The following CHN2 variants were observed in gnomAD, a reference collection of about 807,000 sequenced individuals.
CHN2 encodes the protein chimerin 2, also known as beta-chimaerin.
Under a neutral mutation model 56.3 loss-of-function variants are expected in CHN2, and 35 were observed. The observed-to-expected ratio is 0.62, with a 90% CI of 0.47 to 0.82. The LOEUF (loss-of-function observed/expected upper bound fraction) is 0.82, where lower values mean the gene tolerates loss of function less well. Among genes scored for constraint, CHN2 ranks in the 40% least tolerant of loss-of-function variants. The pLI is 0.00. For synonymous variants in CHN2, 210 were observed against 212.8 expected, an observed-to-expected ratio of 0.99 and a Z score of 0.12; for missense variants, 491 against 580.5, an observed-to-expected ratio of 0.85 and a Z score of 1.58.
At chr7:29,424,393 G>A (rs1804641691) in intron 6 of CHN2, among the ~76,000 whole-genome samples, 1 of 152,034 alleles carries the variant, frequency 6.6e-6, no homozygotes, top group African/African-American at 2.4e-5. Flanking sequence ...GACATCTTCA[G>A]CAGTGATTTC....
intron 2 of CHN2, among the ~76,000 whole-genome samples, chr7:29,364,607 C>G (rs1441943883): frequency 3.3e-5 from 5 of 152,314 alleles, no homozygotes; most frequent in Non-Finnish European, 7.4e-5. Flanking sequence ...TAAAGGAATT[C>G]CATGCAGCCT....
chr7:29,157,421 GAGAAAT>G (rs1794548147), intron 2 of CHN2, among the ~76,000 whole-genome samples: 1 of 148,450 alleles, frequency 6.7e-6, no homozygotes, highest in Admixed American at 6.8e-5. Context: ...AACTTCTCTA[GAGAAAT>G]GGCGTTATCT....
intron 6 of CHN2, among the ~76,000 whole-genome samples, chr7:29,469,325 C>G (rs930974138): frequency 1.3e-5 from 2 of 152,180 alleles, no homozygotes; most frequent in African/African-American, 2.4e-5. Flanking sequence ...CTTTAGCCCC[C>G]CTACAGTCAT....
intron 1 of CHN2, among the ~76,000 whole-genome samples, chr7:29,267,218 A>G (rs1790223398): frequency 6.6e-6 from 1 of 151,340 alleles, no homozygotes; most frequent in African/African-American, 2.4e-5. Context: ...TCTGTACATT[A>G]GGCACTAAGT....
In CHN2 at chr7:29,202,833, C is replaced by T. The variant is rs1337881885; in HGVS notation, c.49+7843C>T. On this transcript the variant is annotated intron_variant, in intron 1 of 12. Coordinates refer to ENST00000222792, the MANE Select transcript of CHN2 (RefSeq NM_004067.4). Reference sequence around the variant, plus strand: ...TAGCAATGTGAAATGCTTTTTCTTACATGATGTTGCTTCCATGAAATAAGC... The same window carrying T: ...TAGCAATGTGAAATGCTTTTTCTTATATGATGTTGCTTCCATGAAATAAGC... 2.0e-5 allele frequency among the ~76,000 whole-genome samples: 3 copies of T among 152,300 alleles called. No individual in the cohort carries two copies. The East Asian group carries it at 5.8e-4, about 29-fold the overall frequency.
At chr7:29,323,841 CAGA>C (rs1795564881) in intron 1 of CHN2, among the ~76,000 whole-genome samples, 1 of 2,082 alleles carries the variant, frequency 4.8e-4, no homozygotes, top group African/African-American at 3.8e-3. Flanking sequence ...ACTAAAAATA[CAGA>C]TACAGAAAAA....
intron 1 of CHN2, among the ~76,000 whole-genome samples, chr7:29,299,548 C>T (rs888136720): frequency 6.6e-6 from 1 of 152,050 alleles, no homozygotes; most frequent in African/African-American, 2.4e-5. Context: ...GCTCATACAT[C>T]AAATAAGGAT....
At position 29,163,058 on chromosome 7, in the gene CHN2, G is replaced by T. The variant is rs73688310; in HGVS notation, c.274+16098G>T. ...ATAATGAACTATAGTTATGTAAAAC[G>T]TTACCATGGGTTGATGGATTCATGG... On this transcript the variant is annotated intron_variant, in intron 2 of 6. Coordinates refer to the CHN2 transcript ENST00000439384. Among the ~76,000 whole-genome samples the T allele has an allele frequency of 1.1e-4, 17 of 152,110 alleles. No individual in the cohort carries two copies. The East Asian group carries it at 3.1e-3, about 28-fold the overall frequency.
chr7:29,481,037 A>G (rs192307378), intron 7 of CHN2, among the ~76,000 whole-genome samples: 1 of 152,328 alleles, frequency 6.6e-6, no homozygotes, highest in African/African-American at 2.4e-5. Flanking sequence ...TGGTACTTGT[A>G]GAAGGGGCCT....
At chr7:29,169,602 C>T (rs1796336495) in intron 2 of CHN2, among the ~76,000 whole-genome samples, 1 of 152,032 alleles carries the variant, frequency 6.6e-6, no homozygotes, top group Non-Finnish European at 1.5e-5. Flanking sequence ...AAAACAGGAC[C>T]ATTGGCTTTT....
At chr7:29,147,772 C>T (rs1792961120) in intron 2 of CHN2, among the ~76,000 whole-genome samples, 1 of 152,164 alleles carries the variant, frequency 6.6e-6, no homozygotes, top group Admixed American at 6.5e-5. Flanking sequence ...AAAGTACAAA[C>T]AGAGATCTGT....
At position 29,328,509 on chromosome 7, in the gene CHN2, A is replaced by G. The variant is rs1175736683; in HGVS notation, c.50-26116A>G. ...GTGTATAAAAGAGGCTTTTATACCA[A>G]CAGTATGGTGTGAAGAAAAAATTTT... On this transcript the variant is annotated intron_variant, in intron 1 of 12. Transcript: ENST00000222792. Among the ~76,000 whole-genome samples, 5 of 152,284 alleles carry G rather than the reference A, an allele frequency of 3.3e-5. No individual in the cohort carries two copies. In the East Asian group the frequency reaches 9.7e-4, roughly 29 times the overall value.
At chr7:29,318,877 AT>A (rs1795142342) in intron 1 of CHN2, among the ~76,000 whole-genome samples, 1 of 152,176 alleles carries the variant, frequency 6.6e-6, no homozygotes. Context: ...GAAAAATTTA[AT>A]TTCCTTGTAA....
intron 2 of CHN2, among the ~76,000 whole-genome samples, chr7:29,363,804 C>G (rs1009845896): frequency 6.6e-5 from 10 of 151,996 alleles, no homozygotes; most frequent in African/African-American, 2.4e-4. Flanking sequence ...AGAGAGCGAG[C>G]CATGTGGATA....
intron 6 of CHN2, among the ~76,000 whole-genome samples, chr7:29,408,980 A>G (rs1043303096): frequency 2.0e-5 from 3 of 152,322 alleles, no homozygotes; most frequent in Admixed American, 2.0e-4. Context: ...TTACATGCTG[A>G]TGACACAAAG....
chr7:29,424,769 C>T (rs1804683338), intron 6 of CHN2, among the ~76,000 whole-genome samples: 1 of 152,160 alleles, frequency 6.6e-6, no homozygotes, highest in Admixed American at 6.5e-5. Flanking sequence ...TAAGTACTGC[C>T]TCGTCCACCG....
At chr7:29,453,549 C>T (rs530921231) in intron 6 of CHN2, among the ~76,000 whole-genome samples, 8 of 152,126 alleles carry the variant, frequency 5.3e-5, no homozygotes, top group South Asian at 2.1e-4. Context: ...GACGCCCCCC[C>T]ACGCCATAGC....
At chr7:29,469,057 G>T (rs540431537) in intron 6 of CHN2, among the ~76,000 whole-genome samples, 17 of 152,196 alleles carry the variant, frequency 1.1e-4, no homozygotes, top group Admixed American at 9.2e-4. Flanking sequence ...TGCTCCTCCT[G>T]GAGTCTTCTT....
At chr7:29,163,287 A>C (rs1401416657) in intron 2 of CHN2, among the ~76,000 whole-genome samples, 1 of 152,160 alleles carries the variant, frequency 6.6e-6, no homozygotes, top group Non-Finnish European at 1.5e-5. Flanking sequence ...AGTATGAAAA[A>C]CATTGTAAAA....
Sources: allele counts gnomAD v4.1 joint callset (sites outside exome capture counted in the v4.1 genomes callset), GRCh38; gene constraint gnomAD v4.1.1; transcripts MANE v1.5; gene names NCBI Gene and HGNC (gene_info 2026-07-23, HGNC 2026-07-21).